The following MBTPS1 variants were observed in gnomAD, a reference collection of about 807,000 sequenced individuals.
MBTPS1 encodes the protein membrane bound transcription factor peptidase, site 1, also known as membrane-bound transcription factor site-1 protease.
Under a neutral mutation model 127.8 loss-of-function variants are expected in MBTPS1, and 94 were observed. That is an observed-to-expected ratio of 0.74 (90% CI 0.62 to 0.87). The LOEUF is 0.87. Among genes scored for constraint, MBTPS1 ranks in the 40% least tolerant of loss-of-function variants. The pLI is 0.00. For missense variants in MBTPS1, 1,636 were observed against 1,353.2 expected (o/e 1.21, Z -3.28); for synonymous variants, 632 against 509.4 (o/e 1.24, Z -3.24).
chr16:84,116,037 C>G lies in MBTPS1; in HGVS notation c.-325+698G>C, dbSNP rs78072215. ...AGACCTTGACGTTAGGAGGGCTTAC[C>G]TACACAGTTCAGACTAAAGGATGAG... On this transcript the variant is annotated intron_variant, in intron 1 of 22. Coordinates refer to ENST00000343411, the MANE Select transcript of MBTPS1 (RefSeq NM_003791.4). 4.6e-5 allele frequency among the ~76,000 whole-genome samples: 7 copies of G among 152,202 alleles called. No individual in the cohort carries two copies. In the East Asian group the frequency reaches 1.3e-3, roughly 29 times the overall value.
chr16:84,076,772 C>G (rs2085859583), intron 11 of MBTPS1, among the ~76,000 whole-genome samples: 2 of 152,170 alleles, frequency 1.3e-5, no homozygotes, highest in Admixed American at 1.3e-4. Context: ...CAAATGGAAA[C>G]ATATCCTTTG....
chr16:84,111,405 G>T (rs988197607), intron 1 of MBTPS1, among the ~76,000 whole-genome samples: 2 of 152,098 alleles, frequency 1.3e-5, no homozygotes, highest in Admixed American at 6.5e-5. Flanking sequence ...CTAGGTAATG[G>T]TGGTGGGTGC....
chr16:84,097,966 T>C (rs2086201479), intron 3 of MBTPS1, among the ~76,000 whole-genome samples: 1 of 152,038 alleles, frequency 6.6e-6, no homozygotes, highest in Non-Finnish European at 1.5e-5. Context: ...TTCTTCCTTC[T>C]GATGAAAGAA....
chr16:84,068,307 G>C (rs769630011), intron 15 of MBTPS1, 32 bp downstream of exon 15: 24 of 1,388,658 alleles, frequency 1.7e-5, no homozygotes, highest in African/African-American at 1.4e-5. Flanking sequence ...TGGGCGGAAA[G>C]ACCATCTGGC....
chr16:84,077,561 T>A (rs930412293), intron 11 of MBTPS1, among the ~76,000 whole-genome samples: 4 of 152,104 alleles, frequency 2.6e-5, no homozygotes, highest in East Asian at 3.8e-4. Flanking sequence ...AAAAATTACA[T>A]CCCTACCTCC....
At chr16:84,057,373 T>C (rs2085537746) in intron 21 of MBTPS1, 1 of 152,270 alleles carries the variant, frequency 6.6e-6, no homozygotes, top group African/African-American at 2.4e-5. Context: ...TGATATCCTG[T>C]TCCAGAATCT....
chr16:84,087,031 G>C (rs1005739973), intron 9 of MBTPS1, among the ~76,000 whole-genome samples: 1 of 152,140 alleles, frequency 6.6e-6, no homozygotes, highest in Non-Finnish European at 1.5e-5. Flanking sequence ...ACCACTACTA[G>C]ATAGGGTAAA....
chr16:84,080,817 C>G (rs1358830407), intron 11 of MBTPS1, among the ~76,000 whole-genome samples: 1 of 152,228 alleles, frequency 6.6e-6, no homozygotes, highest in African/African-American at 2.4e-5. Context: ...ACACCCTTCC[C>G]TTTATCCTTC....
rs542813226 is a variant in MBTPS1, at chr16:84,104,230, T to C, written c.-324-2123A>G. ...CGTTTCTCACTCAAGGCAGGCTTTTTGTTGTTGTTGTTAAAAAGGAAGGAA... is the reference window on the plus strand; with the variant it reads ...CGTTTCTCACTCAAGGCAGGCTTTTCGTTGTTGTTGTTAAAAAGGAAGGAA... On this transcript the variant is annotated intron_variant, in intron 1 of 22. Transcript: ENST00000343411. 2.0e-3 allele frequency among the ~76,000 whole-genome samples: 301 copies of C among 152,208 alleles called. 1 individual carries two copies. The highest frequency in any genetic ancestry group is 6.9e-3 in the African/African-American group (288 of 41,560).
At chr16:84,094,787 C>T (rs951332681) in intron 4 of MBTPS1, among the ~76,000 whole-genome samples, 13 of 152,090 alleles carry the variant, frequency 8.5e-5, no homozygotes, top group African/African-American at 2.9e-4. Flanking sequence ...TGGGGAGACA[C>T]ACATTTTAAT....
chr16:84,065,013 G>A (rs376074008), intron 18 of MBTPS1, among the ~76,000 whole-genome samples: 2 of 152,150 alleles, frequency 1.3e-5, no homozygotes, highest in African/African-American at 2.4e-5. Context: ...TGACAGAAAC[G>A]AATCTTGTAC....
intron 9 of MBTPS1, 134 bp downstream of exon 9, chr16:84,087,224 C>A (rs2086041349): frequency 1.5e-6 from 1 of 668,362 alleles, no homozygotes; most frequent in African/African-American, 1.8e-5. Flanking sequence ...GCACTCACAG[C>A]CCCGGCTATT....
At chr16:84,100,159 C>T (rs1371639939) in intron 2 of MBTPS1, among the ~76,000 whole-genome samples, 1 of 152,242 alleles carries the variant, frequency 6.6e-6, no homozygotes, top group Non-Finnish European at 1.5e-5. Flanking sequence ...TGCCTATAAT[C>T]CCAGCATTCT....
intron 22 of MBTPS1, 113 bp downstream of exon 22, chr16:84,055,892 C>A: frequency 4.8e-6 from 6 of 1,242,450 alleles, no homozygotes; most frequent in Non-Finnish European, 6.7e-6. Flanking sequence ...CACCACAGCT[C>A]CCAGGAAGGC....
At chr16:84,092,081 G>A (rs1381380039) in intron 6 of MBTPS1, among the ~76,000 whole-genome samples, 1 of 152,112 alleles carries the variant, frequency 6.6e-6, no homozygotes, top group African/African-American at 2.4e-5. Context: ...TGTTCTGCAG[G>A]TGGCCTATCT....
chr16:84,099,904 G>A (rs774081525), intron 2 of MBTPS1, among the ~76,000 whole-genome samples: 1 of 152,068 alleles, frequency 6.6e-6, no homozygotes, highest in Non-Finnish European at 1.5e-5. Flanking sequence ...ACAAAGAAAT[G>A]TATATAATTT....
chr16:84,070,701 G>A lies in MBTPS1; in HGVS notation c.1669C>T (p.Pro557Ser), dbSNP rs2085757917. ...GAGATGGCCAGGTAGCCCGACCAAG[G>A]CCATAAGACCGAGGAGTAGGAGAAG... ...VAFSYSSVLW[P>S]WSGYLAISIS... Residue 557 changes from proline (P) to serine (S), a missense_variant, in exon 13 of 23, where the codon CCT becomes TCT. Transcript: ENST00000343411. 2 of 1,614,106 alleles carry A rather than the reference G, an allele frequency of 1.2e-6. No homozygotes were observed. Among genetic ancestry groups the A allele is most frequent in the Non-Finnish European group, 1.7e-6 (2 of 1,180,014 alleles).
intron 4 of MBTPS1, 45 bp downstream of exon 4, chr16:84,095,557 C>T: frequency 6.3e-7 from 1 of 1,594,962 alleles, no homozygotes; most frequent in South Asian, 1.1e-5. Context: ...TAATAGCACA[C>T]ACCTGTATAT....
chr16:84,116,809 A>C lies in MBTPS1; in HGVS notation c.-399T>G, dbSNP rs1267338208. On this transcript the variant is annotated 5_prime_UTR_variant, in exon 1 of 23. An upstream start codon of the reference 5' UTR is lost. Coordinates refer to ENST00000343411, the MANE Select transcript of MBTPS1 (RefSeq NM_003791.4). Reference sequence around the variant, plus strand: ...CGCGGCGAACACGCCTGGGCACTCCATTCGGGGCTGTTTACTCCCAACTCT... The same window carrying C: ...CGCGGCGAACACGCCTGGGCACTCCCTTCGGGGCTGTTTACTCCCAACTCT... 6.6e-6 allele frequency: 1 copy of C among 152,130 alleles called. No individual in the cohort carries two copies. The highest frequency in any genetic ancestry group is 1.5e-5 in the Non-Finnish European group (1 of 68,034). 9.4% of individuals were successfully genotyped at this position (152,130 alleles called of 1,614,324 possible). A position where few individuals can be genotyped will look rare whatever the true frequency, so the allele number is the denominator to read the frequency against.
Sources: allele counts gnomAD v4.1 joint callset (sites outside exome capture counted in the v4.1 genomes callset), GRCh38; gene constraint gnomAD v4.1.1; transcripts MANE v1.5; gene names NCBI Gene and HGNC (gene_info 2026-07-23, HGNC 2026-07-21).